ANKH: variants seen among roughly 807,000 people sequenced by gnomAD.
ANKH encodes the protein mineralization regulator ANKH.
In ANKH, 15 loss-of-function variants were observed where a neutral mutation model predicts 49.0. The observed-to-expected ratio is 0.31, with a 90% CI of 0.20 to 0.47. The LOEUF is 0.47. ANKH is among the 20% of genes least tolerant of loss of function. The probability of loss-of-function intolerance (pLI) is 1.00; values close to 1 mark genes in which losing one functional copy is unlikely to be tolerated. For missense variants in ANKH, 429 were observed against 652.0 expected, an observed-to-expected ratio of 0.66 and a Z score of 3.72; for synonymous variants, 273 against 260.0, an observed-to-expected ratio of 1.05 and a Z score of -0.48.
chr5:14,838,388 AAAT>A (rs573908946), intron 1 of ANKH, among the ~76,000 whole-genome samples: 264 of 150,764 alleles, frequency 1.8e-3, no homozygotes, highest in African/African-American at 5.9e-3. Flanking sequence ...AGTATAATAA[AAAT>A]AATAATAAAA....
intron 1 of ANKH, among the ~76,000 whole-genome samples, chr5:14,774,622 G>A (rs1053446212): frequency 6.6e-5 from 10 of 151,948 alleles, no homozygotes; most frequent in Admixed American, 2.0e-4. Context: ...GTTACTATAC[G>A]TCCTTCAGTC....
At chr5:14,821,677 C>G (rs962137661) in intron 1 of ANKH, among the ~76,000 whole-genome samples, 3 of 152,228 alleles carry the variant, frequency 2.0e-5, no homozygotes, top group African/African-American at 7.2e-5. Context: ...TAAAAACAGC[C>G]TTTGGCTGAA....
At chr5:14,773,834 T>A (rs1452023883) in intron 1 of ANKH, among the ~76,000 whole-genome samples, 1 of 152,222 alleles carries the variant, frequency 6.6e-6, no homozygotes. Flanking sequence ...ATTTGTTGAA[T>A]GAACGAATGA....
chr5:14,721,148 C>T (rs1305037383), intron 8 of ANKH, among the ~76,000 whole-genome samples: 1 of 152,208 alleles, frequency 6.6e-6, no homozygotes, highest in Admixed American at 6.5e-5. Flanking sequence ...GTACCTTGAA[C>T]ACAACCACGA....
chr5:14,711,375 G>C, intron 11 of ANKH, 65 bp from the exon 12 acceptor site: 3 of 1,405,236 alleles, frequency 2.1e-6, no homozygotes, highest in South Asian at 2.3e-5. Context: ...AGAACCACGA[G>C]CAGGGAGACA....
chr5:14,732,394 C>T (rs1171436921), intron 8 of ANKH, among the ~76,000 whole-genome samples: 2 of 151,888 alleles, frequency 1.3e-5, no homozygotes, highest in East Asian at 1.9e-4. Context: ...GTAAATCTAC[C>T]GATCAAGAGA....
At chr5:14,811,471 T>C (rs771237367) in intron 1 of ANKH, among the ~76,000 whole-genome samples, 2 of 152,152 alleles carry the variant, frequency 1.3e-5, no homozygotes, top group Non-Finnish European at 2.9e-5. Flanking sequence ...CAGTATACTG[T>C]AGGTCCTTTT....
intron 3 of ANKH, among the ~76,000 whole-genome samples, chr5:14,757,938 A>G (rs1433965937): frequency 6.6e-6 from 1 of 152,228 alleles, no homozygotes; most frequent in East Asian, 1.9e-4. Flanking sequence ...TATATACCCC[A>G]AAGAACCAAA....
At chr5:14,774,250 C>A (rs1444851151) in intron 1 of ANKH, among the ~76,000 whole-genome samples, 2 of 152,134 alleles carry the variant, frequency 1.3e-5, no homozygotes, top group Non-Finnish European at 2.9e-5. Context: ...CATTCTTACC[C>A]CGCCATAGAT....
At chr5:14,761,750 T>C (rs528425144) in intron 2 of ANKH, among the ~76,000 whole-genome samples, 1 of 134,594 alleles carries the variant, frequency 7.4e-6, no homozygotes, top group African/African-American at 2.9e-5. Flanking sequence ...GACCATTCCT[T>C]GTCCCCTTTT....
intron 1 of ANKH, among the ~76,000 whole-genome samples, chr5:14,856,173 G>A (rs747356560): frequency 2.6e-5 from 4 of 151,724 alleles, no homozygotes; most frequent in Non-Finnish European, 4.4e-5. Flanking sequence ...TAGAGGAGGC[G>A]GAGGCTGCAG....
chr5:14,840,528 G>A (rs1741787311), intron 1 of ANKH, among the ~76,000 whole-genome samples: 1 of 152,152 alleles, frequency 6.6e-6, no homozygotes, highest in Non-Finnish European at 1.5e-5. Flanking sequence ...TGAGATTTGG[G>A]ATCCAAAGTA....
At chr5:14,809,330 T>A (rs1580085357) in intron 1 of ANKH, among the ~76,000 whole-genome samples, 7 of 28,782 alleles carry the variant, frequency 2.4e-4, no homozygotes, top group African/African-American at 3.3e-4. Flanking sequence ...AAACTTAGAG[T>A]ATAATAAAAA....
chr5:14,836,464 T>C (rs1393329530), intron 1 of ANKH, among the ~76,000 whole-genome samples: 3 of 152,160 alleles, frequency 2.0e-5, no homozygotes, highest in East Asian at 1.9e-4. Context: ...AGCATTCTTA[T>C]ACACCAATAA....
At chr5:14,807,115 T>A (rs1269238670) in intron 1 of ANKH, among the ~76,000 whole-genome samples, 1 of 90,580 alleles carries the variant, frequency 1.1e-5, no homozygotes, top group Non-Finnish European at 2.4e-5. Flanking sequence ...TGATATTTCT[T>A]TTTTTTTTTT....
intron 1 of ANKH, among the ~76,000 whole-genome samples, chr5:14,840,518 T>G (rs1388133751): frequency 6.6e-6 from 1 of 152,232 alleles, no homozygotes; most frequent in Non-Finnish European, 1.5e-5. Flanking sequence ...TTTTACCATA[T>G]GAGATTTGGG....
intron 4 of ANKH, among the ~76,000 whole-genome samples, chr5:14,754,498 C>T (rs1275154969): frequency 6.6e-6 from 1 of 152,042 alleles, no homozygotes; most frequent in African/African-American, 2.4e-5. Context: ...CCATAGGATA[C>T]AGAAAGTAAG....
intron 1 of ANKH, among the ~76,000 whole-genome samples, chr5:14,853,723 G>A (rs1254878993): frequency 2.0e-5 from 3 of 152,046 alleles, no homozygotes; most frequent in Admixed American, 6.6e-5. Context: ...GGAGTGCAGT[G>A]GCGCGATAGA....
At chr5:14,756,636 T>C (rs1738894665) in intron 3 of ANKH, among the ~76,000 whole-genome samples, 1 of 152,238 alleles carries the variant, frequency 6.6e-6, no homozygotes, top group Admixed American at 6.5e-5. Context: ...CCCAGGTCCA[T>C]GTCAAGATTT....
Sources: gnomAD v4.1 joint callset for allele counts (sites outside exome capture counted in the v4.1 genomes callset) on GRCh38, gnomAD v4.1.1 for gene constraint, MANE v1.5 for transcripts, NCBI Gene and HGNC (gene_info 2026-07-23, HGNC 2026-07-21) for gene names.